The following DLG5 variants were observed in gnomAD, a reference collection of about 807,000 sequenced individuals.
The protein encoded by DLG5 is disks large homolog 5.
In DLG5, 48 loss-of-function variants were observed where a neutral mutation model predicts 189.8. The observed-to-expected ratio is 0.25, with a 90% CI of 0.20 to 0.32. The LOEUF is 0.32. DLG5 is among the 10% of genes least tolerant of loss of function. DLG5 has a pLI of 1.00. For missense variants in DLG5, 2,160 were observed against 2,544.7 expected (o/e 0.85, Z 3.25); for synonymous variants, 1,016 against 1,054.1 (o/e 0.96, Z 0.70).
chr10:77,800,903 C>A (rs932041989), intron 27 of DLG5, among the ~76,000 whole-genome samples: 1 of 152,084 alleles, frequency 6.6e-6, no homozygotes. Flanking sequence ...TGGGCCACCC[C>A]CTAGGGTCAG....
rs553866540 is a variant in DLG5, at chr10:77,924,125, A to C, written c.304+2092T>G. Among the ~76,000 whole-genome samples, 53 of 152,284 alleles carry C rather than the reference A, an allele frequency of 3.5e-4. 1 individual carries two copies. Among genetic ancestry groups the C allele is most frequent in the African/African-American group, 1.3e-3 (52 of 41,564 alleles). On this transcript the variant is annotated intron_variant, in intron 1 of 31. Transcript: ENST00000372391. ...AGAGATCTGCCCGCCTCGGCCTCCCAAAGTGCTGGGATTACAGGCATGAGC... is the reference window on the plus strand; with the variant it reads ...AGAGATCTGCCCGCCTCGGCCTCCCCAAGTGCTGGGATTACAGGCATGAGC...
At chr10:77,861,854 G>T (rs1044148723) in intron 2 of DLG5, among the ~76,000 whole-genome samples, 6 of 152,198 alleles carry the variant, frequency 3.9e-5, no homozygotes, top group Admixed American at 3.3e-4. Context: ...AAAGGCTTGA[G>T]CATACAGGAC....
chr10:77,833,723 T>C (rs181618109), intron 9 of DLG5, among the ~76,000 whole-genome samples, 191 bp downstream of exon 9: 6 of 152,308 alleles, frequency 3.9e-5, no homozygotes, highest in Non-Finnish European at 8.8e-5. Flanking sequence ...TAACCCTACA[T>C]GGAGATGACA....
At chr10:77,812,495 C>T in intron 20 of DLG5, 118 bp from the exon 21 acceptor site, 4 of 1,207,150 alleles carry the variant, frequency 3.3e-6, no homozygotes, top group Non-Finnish European at 4.6e-6. Flanking sequence ...AGCCTGGATG[C>T]TCCCATTGTG....
At chr10:77,794,736 A>T in intron 30 of DLG5, 113 bp downstream of exon 30, 1 of 751,572 alleles carries the variant, frequency 1.3e-6, no homozygotes, top group South Asian at 1.7e-5. Context: ...CAAGACCCAT[A>T]GGCCCATCTC....
intron 13 of DLG5, among the ~76,000 whole-genome samples, chr10:77,827,140 G>A (rs1009489782): frequency 9.2e-5 from 14 of 152,320 alleles, no homozygotes; most frequent in Admixed American, 2.6e-4. Context: ...GGTCTAGCCA[G>A]AGGAAGATTT....
At chr10:77,806,718 A>AGGG in intron 26 of DLG5, 40 bp downstream of exon 26, 43 of 1,333,552 alleles carry the variant, frequency 3.2e-5, no homozygotes, top group Non-Finnish European at 4.3e-5. Context: ...GCCCTCGGCG[A>AGGG]CCCCTGCCCC....
rs115221421 is a variant in DLG5, at chr10:77,900,175, C to T, written c.304+26042G>A. Among the ~76,000 whole-genome samples the T allele has an allele frequency of 4.0e-3, 604 of 152,196 alleles. 6 individuals carry two copies. The highest frequency in any genetic ancestry group is 0.013 in the African/African-American group (559 of 41,524). Reference sequence around the variant, plus strand: ...CAAGACACTAGGCAACTTACCTAAGCGTCACAGCTCAGAAACAGAAGCAGA... The same window carrying T: ...CAAGACACTAGGCAACTTACCTAAGTGTCACAGCTCAGAAACAGAAGCAGA... On this transcript the variant is annotated intron_variant, in intron 1 of 31. Coordinates refer to ENST00000372391, the MANE Select transcript of DLG5 (RefSeq NM_004747.4).
At chr10:77,853,162 T>C (rs78254456) in intron 5 of DLG5, among the ~76,000 whole-genome samples, 192 bp downstream of exon 5, 1 of 151,960 alleles carries the variant, frequency 6.6e-6, no homozygotes, top group East Asian at 1.9e-4. Flanking sequence ...TTTTTTTTTT[T>C]TGTAGAGATG....
chr10:77,843,419 C>T, intron 6 of DLG5, 28 bp downstream of exon 6: 2 of 1,608,414 alleles, frequency 1.2e-6, no homozygotes, highest in South Asian at 1.1e-5. Context: ...ACCCATTTGC[C>T]CCCGGCCCCC....
chr10:77,829,096 G>A, intron 12 of DLG5, 111 bp from the exon 13 acceptor site: 2 of 1,252,362 alleles, frequency 1.6e-6, no homozygotes, highest in South Asian at 1.4e-5. Flanking sequence ...TCAGCAGGCT[G>A]CGCCCTGTCT....
Position 77,807,042 on chromosome 10 carries a change from A to G in DLG5, c.4797-114T>C. 4.1e-6 allele frequency: 5 copies of G among 1,223,626 alleles called. No individual in the cohort carries two copies. In the South Asian group the frequency reaches 7.5e-5, roughly 18 times the overall value. The allele number at this position is 1,223,626 out of a possible 1,614,324, so 75.8% of individuals were successfully genotyped here. On this transcript the variant is annotated intron_variant, in intron 25 of 31. Transcript: ENST00000372391. ...GCCATTCTGCTTTGGGCTGTCTCCA[A>G]ACTTGATCAGGAATCGCCGAGGGTG...
intron 1 of DLG5, among the ~76,000 whole-genome samples, chr10:77,897,917 A>G (rs1845812857): frequency 6.6e-6 from 1 of 151,990 alleles, no homozygotes; most frequent in Admixed American, 6.6e-5. Flanking sequence ...GTCACTGGAG[A>G]GTGGTAGAAT....
intron 3 of DLG5, 43 bp from the exon 4 acceptor site, chr10:77,854,413 A>G (rs757054234): frequency 5.0e-6 from 8 of 1,608,978 alleles, no homozygotes; most frequent in Non-Finnish European, 5.9e-6. Flanking sequence ...AGGCCCCAGG[A>G]TTCACACGGA....
chr10:77,824,886 A>G (rs982737440), intron 13 of DLG5, among the ~76,000 whole-genome samples: 3 of 152,152 alleles, frequency 2.0e-5, no homozygotes, highest in Non-Finnish European at 4.4e-5. Flanking sequence ...AAGACCATGG[A>G]TAGGAAAGGC....
At position 77,849,260 on chromosome 10, in the gene DLG5, A is replaced by G. The variant is rs1843843603; in HGVS notation, c.864+4094T>C. Among the ~76,000 whole-genome samples the G allele has an allele frequency of 2.0e-5, 3 of 152,242 alleles. No individual in the cohort carries two copies. In the South Asian group the frequency reaches 6.2e-4, roughly 31 times the overall value. ...CCATTTACCCTGCAAGGGCCTCTTC[A>G]AGTTTACAAGGCGTGGGAGGAACCC... On this transcript the variant is annotated intron_variant, in intron 5 of 31. Transcript: ENST00000372391.
chr10:77,806,989 TGCCTTCTGTGGCCAG>T, intron 25 of DLG5, 61 bp from the exon 26 acceptor site: 3 of 1,568,686 alleles, frequency 1.9e-6, no homozygotes, highest in Non-Finnish European at 2.6e-6. Context: ...ACGAACCAGG[TGCCTTCTGTGGCCAG>T]GCCCCTAAGG....
chr10:77,846,090 C>T (rs1428408527), intron 5 of DLG5, among the ~76,000 whole-genome samples: 1 of 152,010 alleles, frequency 6.6e-6, no homozygotes. Context: ...ACTAAACATA[C>T]AAAAATTAGC....
chr10:77,829,535 GA>G lies in DLG5; in HGVS notation c.2010-6del. The G allele has an allele frequency of 6.3e-7, 1 of 1,598,624 alleles. No homozygotes were observed. Among genetic ancestry groups the G allele is most frequent in the Non-Finnish European group, 8.5e-7 (1 of 1,170,932 alleles). Reference sequence around the variant, plus strand: ...CTCAGCAGCCAGTCATTGACCCTGAGAAAGGGCACAGCCAGTTCAGCACCCA... The same window carrying G: ...CTCAGCAGCCAGTCATTGACCCTGAGAAGGGCACAGCCAGTTCAGCACCCA... On this transcript the variant is annotated splice_polypyrimidine_tract_variant and splice_region_variant and intron_variant, in intron 11 of 31. Transcript: ENST00000372391.
Sources: allele counts gnomAD v4.1 joint callset (sites outside exome capture counted in the v4.1 genomes callset), GRCh38; gene constraint gnomAD v4.1.1; transcripts MANE v1.5; gene names NCBI Gene and HGNC (gene_info 2026-07-23, HGNC 2026-07-21).